Variants in ADAMTS19 observed in about 807,000 individuals in gnomAD.
ADAMTS19 encodes the protein A disintegrin and metalloproteinase with thrombospondin motifs 19.
In ADAMTS19, 93 loss-of-function variants were observed where a neutral mutation model predicts 153.3. That is an observed-to-expected ratio of 0.61 (90% CI 0.51 to 0.72). The LOEUF is 0.72. ADAMTS19 is among the 30% of genes least tolerant of loss of function. ADAMTS19 has a pLI of 0.00. For missense variants in ADAMTS19, 1,482 were observed against 1,552.1 expected (o/e 0.95, Z 0.76); for synonymous variants, 600 against 556.6 (o/e 1.08, Z -1.10).
intron 8 of ADAMTS19, among the ~76,000 whole-genome samples, chr5:129,617,767 CTT>C (rs1751596944): frequency 6.6e-6 from 1 of 151,984 alleles, no homozygotes; most frequent in Non-Finnish European, 1.5e-5. Context: ...CTTATTTTAA[CTT>C]AATATCTAAG....
chr5:129,597,900 CAAAAAAAAAAAAAGAA>C (rs1380188185), intron 8 of ADAMTS19, among the ~76,000 whole-genome samples: 8 of 135,490 alleles, frequency 5.9e-5, no homozygotes, highest in African/African-American at 8.3e-5. Flanking sequence ...GTCTCTATCT[CAAAAAAAAAAAAAGAA>C]AAAAAGAAAA....
intron 2 of ADAMTS19, among the ~76,000 whole-genome samples, chr5:129,487,491 A>C (rs1192933046): frequency 6.6e-6 from 1 of 152,088 alleles, no homozygotes; most frequent in Non-Finnish European, 1.5e-5. Context: ...TTTTATAATA[A>C]ACATATTTTT....
intron 7 of ADAMTS19, among the ~76,000 whole-genome samples, chr5:129,565,710 T>C (rs1008670333): frequency 2.0e-5 from 3 of 152,154 alleles, no homozygotes; most frequent in Non-Finnish European, 4.4e-5. Context: ...TGAGCCAACA[T>C]TTTATCTTTT....
chr5:129,663,556 AAT>A (rs1320290811), intron 15 of ADAMTS19, among the ~76,000 whole-genome samples: 1 of 152,182 alleles, frequency 6.6e-6, no homozygotes, highest in Non-Finnish European at 1.5e-5. Context: ...CATTGTGTTC[AAT>A]ATTTATTATA....
intron 11 of ADAMTS19, among the ~76,000 whole-genome samples, chr5:129,645,885 A>ATTTTTTTTTTTTTTTTTTTCTT (rs1753037134): frequency 3.1e-5 from 3 of 97,100 alleles, no homozygotes; most frequent in African/African-American, 1.3e-4. Flanking sequence ...TCCTTTTCCA[A>ATTTTTTTTTTTTTTTTTTTCTT]TTTTTTTTTT....
At chr5:129,510,443 A>G (rs570577955) in intron 3 of ADAMTS19, among the ~76,000 whole-genome samples, 1 of 152,052 alleles carries the variant, frequency 6.6e-6, no homozygotes, top group Admixed American at 6.6e-5. Flanking sequence ...ACGTCACAGT[A>G]TTCCATGTCC....
chr5:129,589,439 C>T (rs925170622), intron 7 of ADAMTS19, among the ~76,000 whole-genome samples: 3 of 151,828 alleles, frequency 2.0e-5, no homozygotes, highest in Non-Finnish European at 4.4e-5. Context: ...AAATGTATAA[C>T]GGATATATAT....
At chr5:129,521,560 C>G (rs1751799181) in intron 3 of ADAMTS19, among the ~76,000 whole-genome samples, 1 of 152,138 alleles carries the variant, frequency 6.6e-6, no homozygotes, top group Admixed American at 6.6e-5. Context: ...AGATTTTTAT[C>G]TATGCATTTT....
At chr5:129,681,971 G>A (rs898726059) in intron 17 of ADAMTS19, among the ~76,000 whole-genome samples, 21 of 152,124 alleles carry the variant, frequency 1.4e-4, no homozygotes, top group African/African-American at 4.3e-4. Flanking sequence ...AAATGCCATT[G>A]TGTTCCCTGC....
At chr5:129,716,041 GAAAA>G in intron 21 of ADAMTS19, among the ~76,000 whole-genome samples, 1 of 147,558 alleles carries the variant, frequency 6.8e-6, no homozygotes, top group South Asian at 2.1e-4. Flanking sequence ...ATGAGAAACA[GAAAA>G]AAAAAAGTAT....
intron 21 of ADAMTS19, among the ~76,000 whole-genome samples, chr5:129,715,133 A>G (rs1425372031): frequency 6.6e-6 from 1 of 152,222 alleles, no homozygotes; most frequent in Non-Finnish European, 1.5e-5. Flanking sequence ...ATGTACAAAG[A>G]ACATTTTATT....
At chr5:129,735,194 G>T in intron 22 of ADAMTS19, 85 bp downstream of exon 22, 2 of 1,289,212 alleles carry the variant, frequency 1.6e-6, no homozygotes, top group South Asian at 1.8e-5. Flanking sequence ...TTTAAACCTT[G>T]ATAGTTGTAA....
chr5:129,729,549 TA>T (rs1329522259), intron 21 of ADAMTS19, among the ~76,000 whole-genome samples: 1 of 152,020 alleles, frequency 6.6e-6, no homozygotes, highest in African/African-American at 2.4e-5. Context: ...TATTAGTTAT[TA>T]GTTTCTCAAG....
At chr5:129,674,231 C>CAA (rs34995544) in intron 16 of ADAMTS19, among the ~76,000 whole-genome samples, 3 of 148,454 alleles carry the variant, frequency 2.0e-5, no homozygotes, top group Admixed American at 6.7e-5. Flanking sequence ...AACTCCATCT[C>CAA]AAAAAAAAAA....
chr5:129,493,179 T>A (rs189751712), intron 2 of ADAMTS19, among the ~76,000 whole-genome samples: 24 of 152,260 alleles, frequency 1.6e-4, no homozygotes, highest in African/African-American at 5.5e-4. Context: ...GAGTCATCAG[T>A]GAAGTTTGAA....
chr5:129,519,324 G>A (rs762675146), intron 3 of ADAMTS19, among the ~76,000 whole-genome samples: 16 of 152,056 alleles, frequency 1.1e-4, no homozygotes, highest in Non-Finnish European at 1.8e-4. Flanking sequence ...ACCCTATCCT[G>A]TGTGGTTGTG....
chr5:129,559,338 G>C (rs575454026), intron 7 of ADAMTS19, among the ~76,000 whole-genome samples: 82 of 151,806 alleles, frequency 5.4e-4, no homozygotes, highest in African/African-American at 1.7e-3. Context: ...ATGCCAAATA[G>C]GGCAAAAGAC....
At chr5:129,681,852 A>C (rs886845608) in intron 17 of ADAMTS19, among the ~76,000 whole-genome samples, 2 of 152,218 alleles carry the variant, frequency 1.3e-5, no homozygotes, top group Admixed American at 1.3e-4. Flanking sequence ...GAGAGAAAAT[A>C]AAATGAAGAA....
chr5:129,677,277 A>C (rs948316869), intron 16 of ADAMTS19, among the ~76,000 whole-genome samples: 1 of 152,196 alleles, frequency 6.6e-6, no homozygotes, highest in African/African-American at 2.4e-5. Context: ...GGAGTTCCAG[A>C]CCAGCCTGGC....
Sources: gnomAD v4.1 joint callset for allele counts (sites outside exome capture counted in the v4.1 genomes callset) on GRCh38, gnomAD v4.1.1 for gene constraint, MANE v1.5 for transcripts, NCBI Gene and HGNC (gene_info 2026-07-23, HGNC 2026-07-21) for gene names.